Variants in TRIM37 observed in about 807,000 individuals in gnomAD.
TRIM37 encodes the protein E3 ubiquitin-protein ligase TRIM37.
In TRIM37, 80 loss-of-function variants were observed where a neutral mutation model predicts 129.8. The ratio of observed to expected loss-of-function variants is 0.62; its 90% confidence interval spans 0.51 to 0.74. The LOEUF is 0.74. Among genes scored for constraint, TRIM37 ranks in the 30% least tolerant of loss-of-function variants. The probability of loss-of-function intolerance (pLI) is 0.00; values close to 1 mark genes in which losing one functional copy is unlikely to be tolerated. For missense variants in TRIM37, 1,054 were observed against 1,176.5 expected, an observed-to-expected ratio of 0.90 and a Z score of 1.52; for synonymous variants, 389 against 387.1, an observed-to-expected ratio of 1.00 and a Z score of -0.06.
intron 22 of TRIM37, among the ~76,000 whole-genome samples, chr17:59,009,876 T>C (rs1331013001): frequency 6.6e-6 from 1 of 152,232 alleles, no homozygotes; most frequent in African/African-American, 2.4e-5. Context: ...AATAACAGAA[T>C]ACTGGTAAAG....
At chr17:59,017,473 A>T in intron 19 of TRIM37, 49 bp from the exon 20 acceptor site, 5 of 1,613,130 alleles carry the variant, frequency 3.1e-6, no homozygotes, top group Non-Finnish European at 4.2e-6. Flanking sequence ...ACAGCACAAA[A>T]CTCACTATTT....
intron 12 of TRIM37, among the ~76,000 whole-genome samples, chr17:59,058,847 C>T (rs2146421065): frequency 6.6e-6 from 1 of 152,146 alleles, no homozygotes; most frequent in Non-Finnish European, 1.5e-5. Context: ...CTCAGTGACA[C>T]AGCAAGACCC....
chr17:58,987,556 T>TA (rs556490696), intron 24 of TRIM37, among the ~76,000 whole-genome samples: 25 of 152,370 alleles, frequency 1.6e-4, no homozygotes, highest in Admixed American at 1.6e-3. Context: ...TGGCTAATCT[T>TA]ACCATTTGCT....
chr17:59,006,078 T>C (rs1282732391), intron 22 of TRIM37, among the ~76,000 whole-genome samples: 2 of 152,206 alleles, frequency 1.3e-5, no homozygotes, highest in Non-Finnish European at 2.9e-5. Context: ...GTTTTCCATT[T>C]ATTAAACTTC....
chr17:59,034,245 G>GT (rs2038211722), intron 17 of TRIM37, among the ~76,000 whole-genome samples: 1 of 152,030 alleles, frequency 6.6e-6, no homozygotes, highest in African/African-American at 2.4e-5. Context: ...CTTTAAAAAT[G>GT]TAAGTTGCTC....
intron 12 of TRIM37, among the ~76,000 whole-genome samples, chr17:59,057,265 G>C (rs1408445648): frequency 1.3e-5 from 2 of 152,146 alleles, no homozygotes; most frequent in Admixed American, 6.5e-5. Context: ...GCCCAGGCTG[G>C]AGTGCAATGG....
At chr17:59,019,967 A>G (rs2036391275) in intron 19 of TRIM37, among the ~76,000 whole-genome samples, 1 of 152,162 alleles carries the variant, frequency 6.6e-6, no homozygotes, top group South Asian at 2.1e-4. Context: ...GCGGTGGCTC[A>G]TGCCAGTAAT....
chr17:59,062,476 T>G, intron 11 of TRIM37, 91 bp downstream of exon 11: 1 of 1,026,224 alleles, frequency 9.7e-7, no homozygotes, highest in South Asian at 1.4e-5. Flanking sequence ...AAAAGAAGAG[T>G]TAACAGTTCT....
intron 19 of TRIM37, among the ~76,000 whole-genome samples, chr17:59,024,004 A>C (rs751118376): frequency 2.0e-5 from 3 of 152,054 alleles, no homozygotes; most frequent in Non-Finnish European, 4.4e-5. Context: ...ACCTGAGGTC[A>C]GGAGTTCAAG....
At chr17:58,991,187 A>G (rs1211843356) in intron 24 of TRIM37, among the ~76,000 whole-genome samples, 3 of 151,480 alleles carry the variant, frequency 2.0e-5, no homozygotes, top group African/African-American at 7.3e-5. Context: ...AAAAAAAAAA[A>G]AAAAAAGAAA....
At chr17:58,967,431 A>G in the TRIM37 span, among the ~76,000 whole-genome samples, 5 of 152,012 alleles carry the variant, frequency 3.3e-5, no homozygotes, top group Non-Finnish European at 7.4e-5. Flanking sequence ...GGAAATGCCA[A>G]TAATAAAAAT....
intron 19 of TRIM37, among the ~76,000 whole-genome samples, chr17:59,023,347 G>A (rs2036840358): frequency 6.6e-6 from 1 of 152,106 alleles, no homozygotes; most frequent in South Asian, 2.1e-4. Flanking sequence ...CAAAGTGCTG[G>A]GATTACAGGC....
At chr17:58,993,567 CA>C (rs1736060275), downstream of TRIM37, among the ~76,000 whole-genome samples, 1 of 152,090 alleles carries the variant, frequency 6.6e-6, no homozygotes, top group African/African-American at 2.4e-5. Flanking sequence ...TCTGGAAAAG[CA>C]AAAACTAAAA....
chr17:59,044,182 C>G (rs774216668), intron 16 of TRIM37, among the ~76,000 whole-genome samples: 1 of 152,074 alleles, frequency 6.6e-6, no homozygotes. Context: ...TGGCATGCAC[C>G]TGTAGTCCTA....
chr17:59,098,009 T>C (rs1682472996), intron 2 of TRIM37, among the ~76,000 whole-genome samples: 1 of 152,202 alleles, frequency 6.6e-6, no homozygotes, highest in Non-Finnish European at 1.5e-5. Flanking sequence ...CTTGAAAAAG[T>C]TGGAGGACTC....
rs999636134 is a variant in TRIM37, at chr17:59,041,715, G to C, written c.1753+98C>G. Reference sequence around the variant, plus strand: ...TACCACTTCCAACACCATGAACCATGTACAAGCAGTGGCTACCACCTATTT... The same window carrying C: ...TACCACTTCCAACACCATGAACCATCTACAAGCAGTGGCTACCACCTATTT... On this transcript the variant is annotated intron_variant, in intron 17 of 23. Coordinates refer to ENST00000262294, the MANE Select transcript of TRIM37 (RefSeq NM_015294.6). The C allele has an allele frequency of 8.1e-5, 71 of 879,914 alleles. No homozygotes were observed. The African/African-American group carries it at 1.0e-3, about 13-fold the overall frequency. The allele number at this position is 879,914 out of a possible 1,614,324, so 54.5% of individuals were successfully genotyped here.
chr17:58,968,048 C>A, the TRIM37 span, among the ~76,000 whole-genome samples: 1 of 152,066 alleles, frequency 6.6e-6, no homozygotes, highest in East Asian at 1.9e-4. Context: ...GTGATCTGCC[C>A]GCCTTGGCCT....
chr17:59,030,290 A>G (rs1040854966), intron 18 of TRIM37, among the ~76,000 whole-genome samples: 1 of 151,928 alleles, frequency 6.6e-6, no homozygotes, highest in East Asian at 1.9e-4. Flanking sequence ...TATTTTTAGT[A>G]GAGACAGGGT....
At chr17:59,028,764 T>C (rs1269847402) in intron 18 of TRIM37, 41 bp from the exon 19 acceptor site, 4 of 1,599,556 alleles carry the variant, frequency 2.5e-6, no homozygotes, top group Non-Finnish European at 3.4e-6. Flanking sequence ...TAAACGTTAA[T>C]ATTAATGAAA....
Sources: gnomAD v4.1 joint callset for allele counts (sites outside exome capture counted in the v4.1 genomes callset) on GRCh38, gnomAD v4.1.1 for gene constraint, MANE v1.5 for transcripts, NCBI Gene and HGNC (gene_info 2026-07-23, HGNC 2026-07-21) for gene names.